NLK: variants seen among roughly 807,000 people sequenced by gnomAD.
The protein encoded by NLK is serine/threonine-protein kinase NLK.
A neutral mutation model predicts 59.0 loss-of-function variants in NLK; 11 were observed. That is an observed-to-expected ratio of 0.19 (90% confidence interval 0.12 to 0.31). The LOEUF (loss-of-function observed/expected upper bound fraction) is 0.31. NLK is among the 10% of genes least tolerant of loss of function. The pLI, the probability that NLK is intolerant of heterozygous loss-of-function variation, is 1.00. For synonymous variants in NLK, 235 were observed against 235.9 expected (o/e 1.00, Z 0.03); for missense variants, 410 against 661.1 (o/e 0.62, Z 4.16).
intron 7 of NLK, among the ~76,000 whole-genome samples, chr17:28,182,297 A>T (rs1207397973): frequency 1.3e-5 from 2 of 151,786 alleles, no homozygotes; most frequent in African/African-American, 4.8e-5. Flanking sequence ...GTTTTTTTGG[A>T]TTTTCCTACA....
At position 28,182,208 on chromosome 17, in the gene NLK, T is replaced by C. The variant is rs149990125; in HGVS notation, c.1150-2971T>C. 4.3e-4 allele frequency among the ~76,000 whole-genome samples: 65 copies of C among 152,310 alleles called. No homozygotes were observed. The East Asian group carries it at 0.012, about 29-fold the overall frequency. On this transcript the variant is annotated intron_variant, in intron 7 of 10. Coordinates refer to ENST00000407008, the MANE Select transcript of NLK (RefSeq NM_016231.5). ...TCTTTGATCCTGAAGAAAACTTATA[T>C]ATAATGAATAATTACCTCCTGATGA...
At chr17:28,136,893 C>T (rs1293243812) in intron 3 of NLK, among the ~76,000 whole-genome samples, 1 of 148,040 alleles carries the variant, frequency 6.8e-6, no homozygotes, top group African/African-American at 2.5e-5. Context: ...GCATGAGCCA[C>T]TGTGCCTGGC....
rs574579435 is a variant in NLK, at chr17:28,092,298, G to A, written c.459-30305G>A. On this transcript the variant is annotated intron_variant, in intron 1 of 10. Transcript: ENST00000407008. ...GGGGGGAGAAGGAAAGGTAAGGAAA[G>A]CCTACTCAGCATTTTCATTTGTCTT... Among the ~76,000 whole-genome samples, 4 of 152,084 alleles carry A rather than the reference G, an allele frequency of 2.6e-5. No individual in the cohort carries two copies. In the East Asian group the frequency reaches 7.7e-4, roughly 29 times the overall value.
intron 9 of NLK, 83 bp downstream of exon 9, chr17:28,191,302 A>G: frequency 9.5e-7 from 1 of 1,051,892 alleles, no homozygotes; most frequent in Non-Finnish European, 1.4e-6. Flanking sequence ...TGAGATCTGG[A>G]TGGTAACCAA....
chr17:28,091,440 A>G (rs1471336558), intron 1 of NLK, among the ~76,000 whole-genome samples: 1 of 151,476 alleles, frequency 6.6e-6, no homozygotes, highest in East Asian at 1.9e-4. Flanking sequence ...TTTAATTTCT[A>G]CATTTACACA....
At chr17:28,134,387 T>G (rs988333599) in intron 3 of NLK, among the ~76,000 whole-genome samples, 1 of 152,004 alleles carries the variant, frequency 6.6e-6, no homozygotes. Flanking sequence ...GGCGACAGAG[T>G]GAGACCTCGC....
intron 1 of NLK, among the ~76,000 whole-genome samples, chr17:28,117,951 T>C (rs1905852034): frequency 6.6e-6 from 1 of 152,118 alleles, no homozygotes; most frequent in African/African-American, 2.4e-5. Context: ...CCCTTTAAAA[T>C]TGCAGTTAGA....
chr17:28,061,550 G>C (rs1472142757), intron 1 of NLK, among the ~76,000 whole-genome samples: 1 of 151,998 alleles, frequency 6.6e-6, no homozygotes, highest in Non-Finnish European at 1.5e-5. Context: ...GAATACGAAA[G>C]TGGCTAATGA....
At position 28,068,353 on chromosome 17, in the gene NLK, G is replaced by A. The variant is rs529195570; in HGVS notation, c.458+25022G>A. Reference sequence around the variant, plus strand: ...TTAGTCAAGTGCAGTAGTCAGAAGGGGGAAAGAGTAAAATAAGGAGTTGTA... The same window carrying A: ...TTAGTCAAGTGCAGTAGTCAGAAGGAGGAAAGAGTAAAATAAGGAGTTGTA... On this transcript the variant is annotated intron_variant, in intron 1 of 10. Coordinates refer to ENST00000407008, the MANE Select transcript of NLK (RefSeq NM_016231.5). Among the ~76,000 whole-genome samples the A allele has an allele frequency of 1.5e-4, 23 of 152,168 alleles. No homozygotes were observed. In the South Asian group the frequency reaches 2.9e-3, roughly 19 times the overall value.
intron 1 of NLK, among the ~76,000 whole-genome samples, chr17:28,105,412 T>A (rs1905042684): frequency 1.3e-5 from 2 of 152,228 alleles, no homozygotes; most frequent in Admixed American, 6.5e-5. Flanking sequence ...TATACCAGTT[T>A]TTTTTCAATT....
chr17:28,169,722 T>TTC (rs1908387859), intron 6 of NLK, among the ~76,000 whole-genome samples: 2 of 97,876 alleles, frequency 2.0e-5, no homozygotes, highest in East Asian at 4.7e-4. Context: ...CTTCTTCTTC[T>TTC]TTTTTTTTTT....
chr17:28,203,147 G>A, the NLK span, among the ~76,000 whole-genome samples: 1 of 138,344 alleles, frequency 7.2e-6, no homozygotes, highest in Middle Eastern at 3.5e-3. Context: ...GTGTGTGTAT[G>A]AATGTATATA....
rs1313541021 is a variant in NLK, at chr17:28,191,154, C to T, written c.1370C>T (p.Pro457Leu). ...AGAGTTTATACCAGTGACTTTGAGC[C>T]TGTCACCAATCCCAAATTTGATGAC... ...TGRVYTSDFEPVTNPKFDDTF... is the reference protein window; with the variant it reads ...TGRVYTSDFELVTNPKFDDTF... Residue 457 changes from proline (P) to leucine (L), a missense_variant, in exon 9 of 11, where the codon CCT becomes CTT. Physicochemically the swap from Pro to Leu is moderately conservative, Grantham distance 98. Coordinates refer to ENST00000407008, the MANE Select transcript of NLK (RefSeq NM_016231.5). The T allele has an allele frequency of 6.2e-7, 1 of 1,613,800 alleles. No homozygotes were observed. Among genetic ancestry groups the T allele is most frequent in the Non-Finnish European group, 8.5e-7 (1 of 1,179,796 alleles).
At chr17:28,191,364 G>T in intron 9 of NLK, 145 bp downstream of exon 9, 1 of 554,386 alleles carries the variant, frequency 1.8e-6, no homozygotes, top group Non-Finnish European at 3.1e-6. Context: ...TGTGTCCGGG[G>T]CATAACAAAG....
intron 1 of NLK, among the ~76,000 whole-genome samples, chr17:28,050,440 T>C (rs766146476): frequency 6.6e-6 from 1 of 152,140 alleles, no homozygotes; most frequent in Non-Finnish European, 1.5e-5. Flanking sequence ...TGTGGACATA[T>C]AGCACATAAA....
At chr17:28,179,442 G>A (rs1264065350) in intron 7 of NLK, among the ~76,000 whole-genome samples, 1 of 151,852 alleles carries the variant, frequency 6.6e-6, no homozygotes, top group Non-Finnish European at 1.5e-5. Flanking sequence ...AAGAGAGAGG[G>A]TCTCCCGGCT....
chr17:28,131,562 TTA>T (rs1906516506), intron 2 of NLK, among the ~76,000 whole-genome samples: 1 of 146,950 alleles, frequency 6.8e-6, no homozygotes, highest in Non-Finnish European at 1.5e-5. Flanking sequence ...CTGCCCACTT[TTA>T]TATGTTTGAA....
the NLK span, among the ~76,000 whole-genome samples, chr17:28,204,062 A>G: frequency 6.6e-6 from 1 of 152,348 alleles, no homozygotes; most frequent in East Asian, 1.9e-4. Flanking sequence ...TGGAAGAGAC[A>G]GGGTGGAGGG....
Position 28,161,112 on chromosome 17 carries a change from G to A in NLK, c.645-48G>A, listed in dbSNP as rs184054345. 8.9e-4 allele frequency: 874 copies of A among 981,736 alleles called. 3 individuals are homozygous for A. Among genetic ancestry groups the A allele is most frequent in the Middle Eastern group, 5.6e-3 (27 of 4,856 alleles). The allele number at this position is 981,736 out of a possible 1,614,324, so 60.8% of individuals were successfully genotyped here. On this transcript the variant is annotated intron_variant, in intron 3 of 10. Coordinates refer to ENST00000407008, the MANE Select transcript of NLK (RefSeq NM_016231.5). The stretch of plus-strand genomic sequence containing the variant: ...TTTAGATCTGGTCACCACTTTGAGG[G>A]GGTAGGGGACTGAATTCGCCGAACT...
Sources: gnomAD v4.1 joint callset for allele counts (sites outside exome capture counted in the v4.1 genomes callset) on GRCh38, gnomAD v4.1.1 for gene constraint, MANE v1.5 for transcripts, NCBI Gene and HGNC (gene_info 2026-07-23, HGNC 2026-07-21) for gene names.